The following GRIA1 variants were observed in gnomAD, a reference collection of about 807,000 sequenced individuals.
The protein encoded by GRIA1 is glutamate receptor 1.
In GRIA1, 31 loss-of-function variants were observed where a neutral mutation model predicts 99.2. The observed-to-expected ratio is 0.31, with a 90% CI of 0.23 to 0.42. GRIA1 has a LOEUF of 0.42. Among genes scored for constraint, GRIA1 ranks in the 10% least tolerant of loss-of-function variants. The pLI, the probability that GRIA1 is intolerant of heterozygous loss-of-function variation, is 1.00. For missense variants in GRIA1, 782 were observed against 1,157.5 expected (o/e 0.68, Z 4.71); for synonymous variants, 438 against 432.4 (o/e 1.01, Z -0.16).
At chr5:153,547,158 A>T (rs1552838) in intron 2 of GRIA1, among the ~76,000 whole-genome samples, 60,555 of 152,046 alleles carry the variant, frequency 0.4, 13,217 homozygotes, top group East Asian at 0.71. Context: ...TTAAAACATT[A>T]TGAGACTTTT....
chr5:153,664,450 G>A (rs1377761777), intron 5 of GRIA1, among the ~76,000 whole-genome samples: 1 of 151,828 alleles, frequency 6.6e-6, no homozygotes, highest in Non-Finnish European at 1.5e-5. Context: ...CTCTGACTCT[G>A]AACCTCAATA....
intron 13 of GRIA1, among the ~76,000 whole-genome samples, chr5:153,778,642 C>T (rs549668568): frequency 6.1e-4 from 80 of 132,198 alleles, no homozygotes; most frequent in Middle Eastern, 3.6e-3. Flanking sequence ...ATTTAATCAT[C>T]ACCCCCCACC....
intron 11 of GRIA1, among the ~76,000 whole-genome samples, chr5:153,721,483 T>C (rs1760065185): frequency 6.6e-6 from 1 of 152,210 alleles, no homozygotes; most frequent in African/African-American, 2.4e-5. Flanking sequence ...ATAGATGATA[T>C]CAAGAATCTC....
intron 11 of GRIA1, among the ~76,000 whole-genome samples, chr5:153,735,273 G>A (rs150197275): frequency 2.5e-4 from 38 of 152,246 alleles, no homozygotes; most frequent in African/African-American, 8.4e-4. Flanking sequence ...GGGTTTATTC[G>A]GCCGTGAGCG....
chr5:153,565,123 T>C (rs187760570), intron 2 of GRIA1, among the ~76,000 whole-genome samples: 30 of 152,328 alleles, frequency 2.0e-4, no homozygotes, highest in African/African-American at 7.0e-4. Flanking sequence ...AAAGGTTTAT[T>C]TTAAAGAAGT....
chr5:153,632,930 A>C (rs1753082849), intron 2 of GRIA1, among the ~76,000 whole-genome samples: 1 of 152,240 alleles, frequency 6.6e-6, no homozygotes, highest in Non-Finnish European at 1.5e-5. Context: ...TTTCCACTGG[A>C]GTCAACATCT....
At position 153,812,100 on chromosome 5, in the gene GRIA1, A is replaced by C. The variant is rs1020674977; in HGVS notation, c.*875A>C. The stretch of plus-strand genomic sequence containing the variant: ...ATGTCCTCCTGGTGTGCTCAGGCTC[A>C]ACGGCAGTCTGGTGGCTGAAGGCAC... On this transcript the variant is annotated 3_prime_UTR_variant, in exon 16 of 16. Transcript: ENST00000285900. The C allele has an allele frequency of 3.9e-5, 6 of 152,108 alleles. No homozygotes were observed. Among genetic ancestry groups the C allele is most frequent in the Non-Finnish European group, 5.9e-5 (4 of 68,080 alleles). 9.4% of individuals were successfully genotyped at this position (152,108 alleles called of 1,614,324 possible). A position where few individuals can be genotyped will look rare whatever the true frequency, so the allele number is the denominator to read the frequency against.
chr5:153,624,502 G>A (rs981885097), intron 2 of GRIA1, among the ~76,000 whole-genome samples: 1 of 152,208 alleles, frequency 6.6e-6, no homozygotes, highest in African/African-American at 2.4e-5. Context: ...TGAGAGATGG[G>A]GGAGGAGCTT....
At chr5:153,588,821 C>T (rs1763719681) in intron 2 of GRIA1, among the ~76,000 whole-genome samples, 1 of 152,116 alleles carries the variant, frequency 6.6e-6, no homozygotes, top group Non-Finnish European at 1.5e-5. Flanking sequence ...CTTAGAACAA[C>T]TTCTTTCGCA....
intron 3 of GRIA1, among the ~76,000 whole-genome samples, chr5:153,647,907 A>G (rs1754275624): frequency 6.6e-6 from 1 of 152,158 alleles, no homozygotes; most frequent in African/African-American, 2.4e-5. Context: ...CTTTTGCAGG[A>G]TGTCCCTATT....
intron 2 of GRIA1, among the ~76,000 whole-genome samples, chr5:153,614,065 G>A (rs1766248516): frequency 1.3e-5 from 2 of 152,070 alleles, no homozygotes; most frequent in African/African-American, 4.8e-5. Flanking sequence ...TCATACATAG[G>A]TGCACACACC....
rs79462959 is a variant in GRIA1, at chr5:153,809,220, T to C, written c.2521-1805T>C. 1.4e-3 allele frequency among the ~76,000 whole-genome samples: 220 copies of C among 152,332 alleles called. 1 individual carries two copies. Among genetic ancestry groups the C allele is most frequent in the East Asian group, 0.011 (55 of 5,178 alleles). On this transcript the variant is annotated intron_variant, in intron 15 of 15. Coordinates refer to ENST00000285900, the MANE Select transcript of GRIA1 (RefSeq NM_000827.4). Reference sequence around the variant, plus strand: ...ATTTTTAGGTGAGGATAAGTAACCATTAATTTATCATATTTTCATTTTACA... The same window carrying C: ...ATTTTTAGGTGAGGATAAGTAACCACTAATTTATCATATTTTCATTTTACA...
chr5:153,762,682 T>C (rs1763263455), intron 11 of GRIA1, among the ~76,000 whole-genome samples: 1 of 152,138 alleles, frequency 6.6e-6, no homozygotes, highest in Non-Finnish European at 1.5e-5. Context: ...CTGTCCTCCT[T>C]AGAGTTGCAT....
chr5:153,573,632 G>A (rs773147166), intron 2 of GRIA1, among the ~76,000 whole-genome samples: 7 of 152,070 alleles, frequency 4.6e-5, no homozygotes, highest in Non-Finnish European at 7.4e-5. Context: ...AGTGCTGGAC[G>A]GGAGTTTTTA....
intron 2 of GRIA1, among the ~76,000 whole-genome samples, chr5:153,557,229 G>T (rs1196200531): frequency 6.6e-6 from 1 of 152,062 alleles, no homozygotes; most frequent in Non-Finnish European, 1.5e-5. Context: ...ACACTCCACG[G>T]TTAGGCTACA....
At chr5:153,770,454 C>G (rs1763801288) in intron 13 of GRIA1, 39 bp downstream of exon 13, 1 of 1,584,074 alleles carries the variant, frequency 6.3e-7, no homozygotes, top group Non-Finnish European at 8.6e-7. Flanking sequence ...ACTCCCTCTC[C>G]CCTCCCTATC....
chr5:153,705,284 G>A (rs1041431115), intron 10 of GRIA1, among the ~76,000 whole-genome samples: 19 of 152,236 alleles, frequency 1.2e-4, no homozygotes, highest in African/African-American at 3.9e-4. Context: ...TGGATTGACC[G>A]GGACCTGGGT....
intron 2 of GRIA1, among the ~76,000 whole-genome samples, chr5:153,513,997 C>G (rs1756361039): frequency 6.6e-6 from 1 of 152,196 alleles, no homozygotes; most frequent in South Asian, 2.1e-4. Context: ...CAGTCTCCCC[C>G]AAACACCCTG....
At chr5:153,805,737 C>A (rs1487753017) in intron 15 of GRIA1, among the ~76,000 whole-genome samples, 1 of 152,220 alleles carries the variant, frequency 6.6e-6, no homozygotes, top group Non-Finnish European at 1.5e-5. Flanking sequence ...AAATGAGAAT[C>A]TTTCAAAGAG....
Sources: gnomAD v4.1 joint callset for allele counts (sites outside exome capture counted in the v4.1 genomes callset) on GRCh38, gnomAD v4.1.1 for gene constraint, MANE v1.5 for transcripts, NCBI Gene and HGNC (gene_info 2026-07-23, HGNC 2026-07-21) for gene names.